The following MB21D2 variants were observed in gnomAD, a reference collection of about 807,000 sequenced individuals.
MB21D2 encodes nucleotidyltransferase MB21D2.
A neutral mutation model predicts 33.3 loss-of-function variants in MB21D2; 9 were observed. The observed-to-expected ratio is 0.27, with a 90% CI of 0.16 to 0.47. MB21D2 has a LOEUF of 0.47. MB21D2 is among the 20% of genes least tolerant of loss of function. MB21D2 has a pLI of 0.99. For synonymous variants in MB21D2, 241 were observed against 236.3 expected (o/e 1.02, Z -0.18); for missense variants, 540 against 624.6 (o/e 0.86, Z 1.44).
intron 1 of MB21D2, among the ~76,000 whole-genome samples, chr3:192,826,413 T>C (rs773641910): frequency 6.6e-6 from 1 of 152,204 alleles, no homozygotes; most frequent in Non-Finnish European, 1.5e-5. Context: ...CGGGAATCAA[T>C]TCTATTGTCT....
chr3:192,873,516 A>G (rs1219550792), intron 1 of MB21D2, among the ~76,000 whole-genome samples: 1 of 152,064 alleles, frequency 6.6e-6, no homozygotes, highest in Admixed American at 6.5e-5. Flanking sequence ...CTAAGGAACA[A>G]GTGAGTTCAC....
At chr3:192,814,698 T>TA (rs11361135) in intron 1 of MB21D2, among the ~76,000 whole-genome samples, 61 of 151,388 alleles carry the variant, frequency 4.0e-4, no homozygotes, top group African/African-American at 8.3e-4. Context: ...CTGTCTCTAC[T>TA]AAAAAAAATA....
chr3:192,838,428 C>CTTTTTTTTTTTTTTTTTTTTT (rs55769534), intron 1 of MB21D2, among the ~76,000 whole-genome samples: 1 of 124,170 alleles, frequency 8.1e-6, no homozygotes, highest in African/African-American at 3.1e-5. Flanking sequence ...AATCTGTGGA[C>CTTTTTTTTTTTTTTTTTTTTT]TTTTTTTTTT....
intron 1 of MB21D2, among the ~76,000 whole-genome samples, chr3:192,897,224 G>C (rs1372930504): frequency 6.6e-6 from 1 of 152,156 alleles, no homozygotes; most frequent in Non-Finnish European, 1.5e-5. Flanking sequence ...AGAGAGGCTA[G>C]TTTGATGCAA....
intron 1 of MB21D2, among the ~76,000 whole-genome samples, chr3:192,878,470 A>G (rs147733317): frequency 7.8e-4 from 119 of 152,336 alleles, no homozygotes; most frequent in African/African-American, 2.6e-3. Flanking sequence ...TAGAATAAAG[A>G]CTTATTCAGC....
chr3:192,881,968 C>CT (rs1392098163), intron 1 of MB21D2, among the ~76,000 whole-genome samples: 1 of 152,132 alleles, frequency 6.6e-6, no homozygotes, highest in African/African-American at 2.4e-5. Flanking sequence ...ATTCCTCTTG[C>CT]TTATCCCACA....
intron 1 of MB21D2, among the ~76,000 whole-genome samples, chr3:192,907,420 C>T (rs57802846): frequency 0.034 from 5,144 of 152,250 alleles, 295 homozygotes; most frequent in African/African-American, 0.12. Context: ...AATCAACCCC[C>T]TCAACCCAAG....
intron 1 of MB21D2, among the ~76,000 whole-genome samples, chr3:192,855,766 T>G (rs1056333529): frequency 1.4e-4 from 22 of 152,186 alleles, no homozygotes; most frequent in African/African-American, 5.3e-4. Flanking sequence ...AAAATGAAGC[T>G]TCAAAGAAGT....
chr3:192,875,013 A>AT (rs1713398617), intron 1 of MB21D2, among the ~76,000 whole-genome samples: 1 of 88,258 alleles, frequency 1.1e-5, no homozygotes, highest in African/African-American at 9.5e-5. Context: ...AACTGTCCCT[A>AT]TTAAAAAAAA....
intron 1 of MB21D2, among the ~76,000 whole-genome samples, chr3:192,899,135 G>A (rs1285472487): frequency 6.6e-6 from 1 of 152,182 alleles, no homozygotes; most frequent in Admixed American, 6.5e-5. Context: ...TCTCATAGCA[G>A]GCATACAAGA....
intron 1 of MB21D2, among the ~76,000 whole-genome samples, chr3:192,858,856 G>A (rs528845483): frequency 2.6e-5 from 4 of 152,126 alleles, no homozygotes; most frequent in Non-Finnish European, 5.9e-5. Flanking sequence ...TATTTACAGC[G>A]TACAAACCAT....
chr3:192,834,568 C>A (rs1712393168), intron 1 of MB21D2, among the ~76,000 whole-genome samples: 2 of 151,998 alleles, frequency 1.3e-5, no homozygotes, highest in South Asian at 4.2e-4. Flanking sequence ...TCTGCCACTA[C>A]TTTTCCGACC....
At chr3:192,917,325 T>A (rs571841178) in intron 1 of MB21D2, among the ~76,000 whole-genome samples, 3 of 152,184 alleles carry the variant, frequency 2.0e-5, no homozygotes, top group African/African-American at 7.2e-5. Flanking sequence ...CCCCCAACAG[T>A]GCAACGCTTC....
chr3:192,852,351 G>A (rs1712826828), intron 1 of MB21D2, among the ~76,000 whole-genome samples: 1 of 152,194 alleles, frequency 6.6e-6, no homozygotes, highest in African/African-American at 2.4e-5. Flanking sequence ...GAAGCAAATA[G>A]CCCTTATTTC....
chr3:192,835,608 T>C (rs994911711), intron 1 of MB21D2, among the ~76,000 whole-genome samples: 1 of 152,120 alleles, frequency 6.6e-6, no homozygotes, highest in Non-Finnish European at 1.5e-5. Flanking sequence ...TCTTAAAACA[T>C]TTTAACCGTC....
chr3:192,872,515 G>A (rs1425080972), intron 1 of MB21D2, among the ~76,000 whole-genome samples: 1 of 150,926 alleles, frequency 6.6e-6, no homozygotes, highest in African/African-American at 2.4e-5. Flanking sequence ...GGCGGAGCTT[G>A]CAGTGAGCCG....
At chr3:192,804,386 T>C (rs2108609415) in intron 1 of MB21D2, among the ~76,000 whole-genome samples, 1 of 151,724 alleles carries the variant, frequency 6.6e-6, no homozygotes, top group African/African-American at 2.4e-5. Context: ...ACTAAGTAGG[T>C]AAGTCAAAAT....
At chr3:192,851,292 C>T (rs1712797428) in intron 1 of MB21D2, among the ~76,000 whole-genome samples, 1 of 151,998 alleles carries the variant, frequency 6.6e-6, no homozygotes, top group Admixed American at 6.6e-5. Context: ...TATGAAATGT[C>T]CAGAATAGGC....
At chr3:192,887,775 C>G (rs561579246) in intron 1 of MB21D2, among the ~76,000 whole-genome samples, 1 of 152,124 alleles carries the variant, frequency 6.6e-6, no homozygotes, top group East Asian at 1.9e-4. Context: ...CGCTAGCAGC[C>G]CTAAGATCTG....
Sources: allele counts gnomAD v4.1 joint callset (sites outside exome capture counted in the v4.1 genomes callset), GRCh38; gene constraint gnomAD v4.1.1; transcripts MANE v1.5; gene names NCBI Gene and HGNC (gene_info 2026-07-23, HGNC 2026-07-21).